Variants in AGBL1 observed in about 807,000 individuals in gnomAD.
AGBL1 encodes the protein cytosolic carboxypeptidase 4.
AGBL1 carries 130 observed loss-of-function variants against 118.9 expected under a neutral mutation model. The ratio of observed to expected loss-of-function variants is 1.09; its 90% CI spans 0.95 to 1.26. AGBL1 has a LOEUF of 1.26. Ranked by LOEUF, AGBL1 falls within the 50% of genes most tolerant of loss-of-function variation. AGBL1 has a pLI of 0.00. For missense variants in AGBL1, 1,584 were observed against 1,298.1 expected (o/e 1.22, Z -3.38); for synonymous variants, 555 against 478.9 (o/e 1.16, Z -2.08).
chr15:86,722,159 T>C (rs1436126834), intron 22 of AGBL1, among the ~76,000 whole-genome samples: 1 of 152,244 alleles, frequency 6.6e-6, no homozygotes, highest in South Asian at 2.1e-4. Context: ...AAAACTACTT[T>C]AAAGTTCATA....
chr15:86,219,945 C>CTTTTT lies in AGBL1; in HGVS notation c.489-4948_489-4944dup, dbSNP rs68023928. The stretch of plus-strand genomic sequence containing the variant: ...GGTAGACTTATAGCTAATGCTGCCT[C>CTTTTT]TTTTTTTTTTTTTTTTTTTTTTTTT... On this transcript the variant is annotated intron_variant, in intron 5 of 22. Coordinates refer to ENST00000614907, the MANE Select transcript of AGBL1 (RefSeq NM_001386094.1). Among the ~76,000 whole-genome samples, 412 of 85,730 alleles carry CTTTTT rather than the reference C, an allele frequency of 4.8e-3. 28 individuals are homozygous for CTTTTT. Among genetic ancestry groups the CTTTTT allele is most frequent in the Middle Eastern group, 9.3e-3 (1 of 108 alleles). 56.2% of individuals were successfully genotyped at this position (85,730 alleles called of 152,430 possible).
chr15:86,388,561 T>C (rs12594137), intron 17 of AGBL1, among the ~76,000 whole-genome samples: 11,858 of 152,064 alleles, frequency 0.078, 482 homozygotes, highest in East Asian at 0.15. Flanking sequence ...ATCCATTCAA[T>C]CAGTGAGAGG....
rs74027105 is a variant in AGBL1 at position 86,803,034 on chromosome 15, C to T, written c.3159-104053C>T. Among the ~76,000 whole-genome samples, 564 of 152,170 alleles carry T rather than the reference C, an allele frequency of 3.7e-3. 6 individuals are homozygous for T. Among genetic ancestry groups the T allele is most frequent in the African/African-American group, 0.013 (533 of 41,530 alleles). ...AAATTTTCCTAAGGAAGTGAGGGTT[C>T]TTTTGTATTTACCTTGTTGGAAACA... On this transcript the variant is annotated intron_variant, in intron 22 of 22. Coordinates refer to ENST00000614907, the MANE Select transcript of AGBL1 (RefSeq NM_001386094.1).
At chr15:86,179,793 T>A (rs2141785573) in intron 5 of AGBL1, among the ~76,000 whole-genome samples, 1 of 152,254 alleles carries the variant, frequency 6.6e-6, no homozygotes, top group East Asian at 1.9e-4. Context: ...TTGTAGAAAT[T>A]CCAACGGAAT....
chr15:86,111,533 G>A (rs1897381037), intron 1 of AGBL1, among the ~76,000 whole-genome samples: 1 of 152,204 alleles, frequency 6.6e-6, no homozygotes, highest in Non-Finnish European at 1.5e-5. Context: ...TGTTGAAGCT[G>A]AAGCCTCATG....
intron 1 of AGBL1, among the ~76,000 whole-genome samples, chr15:86,102,920 T>A (rs575104493): frequency 1.3e-5 from 2 of 152,314 alleles, no homozygotes; most frequent in African/African-American, 4.8e-5. Flanking sequence ...GTCTTTCTAT[T>A]TTAATATTGC....
At chr15:86,587,796 C>T (rs2257019) in intron 21 of AGBL1, among the ~76,000 whole-genome samples, 145,341 of 152,288 alleles carry the variant, frequency 0.95, 69,451 homozygotes, top group Middle Eastern at 1. Context: ...TGAGAACCCA[C>T]GTAGTAATCA....
intron 24 of AGBL1, among the ~76,000 whole-genome samples, chr15:87,002,051 C>A (rs2081444916): frequency 6.6e-6 from 1 of 152,026 alleles, no homozygotes; most frequent in Non-Finnish European, 1.5e-5. Flanking sequence ...GAAGTCCTTG[C>A]CCATGCCTAT....
chr15:86,479,844 A>C (rs1211118048), intron 18 of AGBL1, among the ~76,000 whole-genome samples: 1 of 152,232 alleles, frequency 6.6e-6, no homozygotes, highest in African/African-American at 2.4e-5. Flanking sequence ...CCAAATGTCC[A>C]AAAATGATAG....
At chr15:86,686,993 G>T (rs2086069869) in intron 22 of AGBL1, among the ~76,000 whole-genome samples, 1 of 152,132 alleles carries the variant, frequency 6.6e-6, no homozygotes, top group Non-Finnish European at 1.5e-5. Flanking sequence ...CATTTGAACA[G>T]TGGATGTGGT....
intron 1 of AGBL1, among the ~76,000 whole-genome samples, chr15:86,110,411 T>C (rs1159366645): frequency 6.6e-6 from 1 of 151,664 alleles, no homozygotes. Flanking sequence ...CAAAGTGTTA[T>C]TAAAAATCAT....
At chr15:86,989,981 C>T (rs1055487027) in intron 24 of AGBL1, among the ~76,000 whole-genome samples, 3 of 152,260 alleles carry the variant, frequency 2.0e-5, no homozygotes, top group East Asian at 1.9e-4. Context: ...GCATATCTGA[C>T]CTGACAGGTT....
At chr15:86,330,053 T>A (rs2088330) in intron 17 of AGBL1, among the ~76,000 whole-genome samples, 111,026 of 152,176 alleles carry the variant, frequency 0.73, 41,144 homozygotes, top group Non-Finnish European at 0.78. Context: ...ATTCTCCCTC[T>A]GCACTGATGC....
intron 18 of AGBL1, among the ~76,000 whole-genome samples, chr15:86,455,454 T>C (rs1365264422): frequency 2.6e-5 from 4 of 152,162 alleles, no homozygotes; most frequent in Non-Finnish European, 5.9e-5. Flanking sequence ...GATATCCTGC[T>C]TCCCAATTGG....
chr15:86,437,670 G>A (rs772813190), intron 18 of AGBL1, among the ~76,000 whole-genome samples: 19 of 152,084 alleles, frequency 1.2e-4, no homozygotes, highest in Admixed American at 3.9e-4. Flanking sequence ...CATCTAACAC[G>A]GAGTGAGCAC....
intron 17 of AGBL1, among the ~76,000 whole-genome samples, chr15:86,319,484 C>A (rs1315660663): frequency 1.3e-5 from 2 of 152,052 alleles, no homozygotes; most frequent in East Asian, 3.9e-4. Context: ...CCTCTCCTCC[C>A]TCCCCCCACA....
At chr15:86,538,829 G>A (rs144419467) in intron 19 of AGBL1, among the ~76,000 whole-genome samples, 3 of 152,320 alleles carry the variant, frequency 2.0e-5, no homozygotes, top group East Asian at 1.9e-4. Flanking sequence ...AAAGGGGAAC[G>A]GCTAAGGGAG....
intron 6 of AGBL1, among the ~76,000 whole-genome samples, chr15:86,229,145 A>T (rs1318281039): frequency 6.6e-6 from 1 of 152,196 alleles, no homozygotes; most frequent in Non-Finnish European, 1.5e-5. Context: ...ATTGCAGGAA[A>T]TTTTTTAATA....
At chr15:86,427,709 G>A (rs765766866) in intron 18 of AGBL1, among the ~76,000 whole-genome samples, 1 of 152,164 alleles carries the variant, frequency 6.6e-6, no homozygotes, top group Non-Finnish European at 1.5e-5. Flanking sequence ...CTCAAAAACT[G>A]TAGATGATAT....
Sources: gnomAD v4.1 joint callset for allele counts (sites outside exome capture counted in the v4.1 genomes callset) on GRCh38, gnomAD v4.1.1 for gene constraint, MANE v1.5 for transcripts, NCBI Gene and HGNC (gene_info 2026-07-23, HGNC 2026-07-21) for gene names.